The following ABCC4 variants were observed in gnomAD, a reference collection of about 807,000 sequenced individuals.
ABCC4 encodes the protein ATP binding cassette subfamily C member 4 (PEL blood group).
In ABCC4, 102 loss-of-function variants were observed where a neutral mutation model predicts 168.5. The ratio of observed to expected loss-of-function variants is 0.61; its 90% CI spans 0.52 to 0.71. ABCC4 has a LOEUF of 0.71. ABCC4 is among the 30% of genes least tolerant of loss of function. The probability of loss-of-function intolerance (pLI) is 0.00; values close to 1 mark genes in which losing one functional copy is unlikely to be tolerated. For synonymous variants in ABCC4, 617 were observed against 590.7 expected, an observed-to-expected ratio of 1.04 and a Z score of -0.65; for missense variants, 1,402 against 1,605.8, an observed-to-expected ratio of 0.87 and a Z score of 2.17.
intron 21 of ABCC4, among the ~76,000 whole-genome samples, chr13:95,081,285 G>T (rs1337277125): frequency 1.3e-5 from 2 of 150,828 alleles, no homozygotes; most frequent in East Asian, 3.9e-4. Context: ...CATCCACATG[G>T]ATCGGATGTG....
At position 95,176,223 on chromosome 13, in the gene ABCC4, CAGGGGGGGGGGGGGG is replaced by C. The variant is rs1413725646; in HGVS notation, c.1727+1469_1727+1483del. The stretch of plus-strand genomic sequence containing the variant: ...TCTCAGCACTCCAGGAAGCCGAGGG[CAGGGGGGGGGGGGGG>C]GGGGGGGTGGATCCCTTGAGCCCAG... On this transcript the variant is annotated intron_variant, in intron 13 of 30. Coordinates refer to ENST00000645237, the MANE Select transcript of ABCC4 (RefSeq NM_005845.5). Among the ~76,000 whole-genome samples the C allele has an allele frequency of 1.9e-4, 2 of 10,560 alleles. 1 individual carries two copies. The highest frequency in any genetic ancestry group is 1.0e-3 in the Non-Finnish European group (2 of 2,006). 6.9% of individuals were successfully genotyped at this position (10,560 alleles called of 152,430 possible).
intron 1 of ABCC4, among the ~76,000 whole-genome samples, chr13:95,297,227 C>T (rs2041557592): frequency 6.7e-6 from 1 of 149,386 alleles, no homozygotes; most frequent in South Asian, 2.1e-4. Context: ...GCCGAGATCA[C>T]ACCACGGCCA....
intron 26 of ABCC4, among the ~76,000 whole-genome samples, chr13:95,058,384 C>G (rs1412435524): frequency 1.3e-5 from 2 of 151,382 alleles, no homozygotes; most frequent in Non-Finnish European, 2.9e-5. Context: ...TCCTGGCCAA[C>G]ATGGTGAAAC....
At chr13:95,146,716 T>A (rs2036511429) in intron 19 of ABCC4, among the ~76,000 whole-genome samples, 1 of 152,222 alleles carries the variant, frequency 6.6e-6, no homozygotes, top group African/African-American at 2.4e-5. Context: ...AGATTTCTTG[T>A]TGCTTTGTTG....
rs1191708417 is a variant in ABCC4, at chr13:95,271,711, T to C, written c.75-23958A>G. Among the ~76,000 whole-genome samples, 3 of 152,188 alleles carry C rather than the reference T, an allele frequency of 2.0e-5. No individual in the cohort carries two copies. The East Asian group carries it at 5.8e-4, about 29-fold the overall frequency. ...GTTCCTTAGCTTTATGTTCCTTTTCTATTTATATAACAAACAGACATTGGT... is the reference window on the plus strand; with the variant it reads ...GTTCCTTAGCTTTATGTTCCTTTTCCATTTATATAACAAACAGACATTGGT... On this transcript the variant is annotated intron_variant, in intron 1 of 30. Transcript: ENST00000645237.
intron 8 of ABCC4, among the ~76,000 whole-genome samples, chr13:95,201,833 C>T (rs915033160): frequency 1.3e-5 from 2 of 152,136 alleles, no homozygotes; most frequent in East Asian, 1.9e-4. Flanking sequence ...ATTAGCTGGA[C>T]ATGGTGGCTC....
Position 95,206,747 on chromosome 13 carries a change from G to C in ABCC4, c.946C>G (p.Leu316Val). Reference protein sequence around the residue: ...EISKILRSSCLRGMNLASFFS... With the variant: ...EISKILRSSCVRGMNLASFFS... ...AATGAAGCCAAATTCATCCCTCTGA[G>C]GCAGGAACTTCTCAGAATCTTGGAA... The change falls in exon 8 of 31, where the codon CTC becomes GTC. Residue 316 changes from leucine to valine, a missense_variant. Around this residue, in one of 3 missense-constraint regions of ABCC4, gnomAD observed 78 missense variants for 133.0 expected, o/e 0.59. Coordinates refer to ENST00000645237, the MANE Select transcript of ABCC4 (RefSeq NM_005845.5). 1 of 1,614,090 alleles carries C rather than the reference G, an allele frequency of 6.2e-7. No homozygotes were observed.
intron 4 of ABCC4, among the ~76,000 whole-genome samples, chr13:95,228,273 C>T (rs758769725): frequency 2.0e-5 from 3 of 151,990 alleles, no homozygotes; most frequent in Non-Finnish European, 2.9e-5. Flanking sequence ...CAGCGCATGA[C>T]GGTGCATTTA....
chr13:95,298,557 T>C (rs1211811142), intron 1 of ABCC4, among the ~76,000 whole-genome samples: 1 of 152,178 alleles, frequency 6.6e-6, no homozygotes, highest in Non-Finnish European at 1.5e-5. Flanking sequence ...CTGAGTGCTA[T>C]GCTTTGAGAA....
chr13:95,194,825 G>A lies in ABCC4; in HGVS notation c.1263+11C>T. The A allele has an allele frequency of 6.2e-7, 1 of 1,606,086 alleles. No individual in the cohort carries two copies. Among genetic ancestry groups the A allele is most frequent in the Non-Finnish European group, 8.5e-7 (1 of 1,173,290 alleles). On this transcript the variant is annotated intron_variant, in intron 9 of 30. Coordinates refer to ENST00000645237, the MANE Select transcript of ABCC4 (RefSeq NM_005845.5). ...TTCAGCAGTCATGATCTTGCATTAA[G>A]GATATGTTACCTTATCCCAAAAAGC...
At chr13:95,237,960 C>G (rs1186154079) in intron 3 of ABCC4, among the ~76,000 whole-genome samples, 1 of 151,784 alleles carries the variant, frequency 6.6e-6, no homozygotes, top group Non-Finnish European at 1.5e-5. Context: ...TTTGGGAGGC[C>G]GAGGTGGGCA....
intron 4 of ABCC4, among the ~76,000 whole-genome samples, chr13:95,226,833 C>T (rs945342567): frequency 1.3e-5 from 2 of 152,164 alleles, no homozygotes; most frequent in African/African-American, 4.8e-5. Flanking sequence ...CCTACAAGTC[C>T]GAAGGAGTTA....
chr13:95,201,443 T>A (rs575886642), intron 8 of ABCC4, among the ~76,000 whole-genome samples: 9 of 152,286 alleles, frequency 5.9e-5, no homozygotes, highest in Non-Finnish European at 1.3e-4. Flanking sequence ...GCTCAGTTGT[T>A]AGGCATTTTC....
rs1454956307 is a variant in ABCC4 at position 95,247,753 on chromosome 13, C to T, written c.75G>A (p.Trp25Ter). 3.1e-6 allele frequency: 5 copies of T among 1,608,908 alleles called. No homozygotes were observed. The highest frequency in any genetic ancestry group is 4.3e-6 in the Non-Finnish European group (5 of 1,175,366). Residue 25 changes from tryptophan to a stop codon, truncating the protein, a stop_gained and splice_region_variant, in exon 2 of 31, where the codon TGG becomes TGA. Coordinates refer to ENST00000645237, the MANE Select transcript of ABCC4 (RefSeq NM_005845.5). LOFTEE classifies it high-confidence loss of function. ...DANLCSRVFF[W>*]WLNPLFKIGH... ...CAATTTTAAACAAGGGATTGAGCCA[C>T]CTGTTAACAAGAGAAAAGAGACATA...
rs557977696 is a variant in ABCC4 at position 95,297,865 on chromosome 13, G to A, written c.74+3376C>T. ...TCGAGTGATAAGTAAATAGCTCAAGGGGGTGGGAACTACGAGGTGACTGCT... is the reference window on the plus strand; with the variant it reads ...TCGAGTGATAAGTAAATAGCTCAAGAGGGTGGGAACTACGAGGTGACTGCT... On this transcript the variant is annotated intron_variant, in intron 1 of 30. Coordinates refer to ENST00000645237, the MANE Select transcript of ABCC4 (RefSeq NM_005845.5). Among the ~76,000 whole-genome samples, 345 of 152,246 alleles carry A rather than the reference G, an allele frequency of 2.3e-3. 3 individuals carry two copies. Among genetic ancestry groups the A allele is most frequent in the Non-Finnish European group, 1.8e-3 (124 of 68,024 alleles).
Position 95,188,472 on chromosome 13 carries a change from C to G in ABCC4, c.1334G>C (p.Gly445Ala). The change falls in exon 10 of 31, where the codon GGC becomes GCC. Residue 445 changes from glycine to alanine, a missense_variant. This residue lies in a region of ABCC4 where 1,007 missense variants were observed against 1,127.3 expected (regional missense o/e 0.89). Transcript: ENST00000645237. The part of the protein sequence containing the change: ...VRPGELLAVV[G>A]PVGAGKSSLL... ...ACTCACCTTCCCTGCTCCCACGGGG[C>G]CGACCACAGCTAACAATTCGCCAGG... 1 of 1,614,100 alleles carries G rather than the reference C, an allele frequency of 6.2e-7. No individual in the cohort carries two copies. Among genetic ancestry groups the G allele is most frequent in the Non-Finnish European group, 8.5e-7 (1 of 1,179,990 alleles).
At chr13:95,169,676 G>A (rs1270091681) in intron 14 of ABCC4, among the ~76,000 whole-genome samples, 4 of 152,084 alleles carry the variant, frequency 2.6e-5, no homozygotes, top group Non-Finnish European at 5.9e-5. Context: ...TCTCCAGGAA[G>A]AATGTCAGCC....
At chr13:95,083,084 T>C (rs2034148630) in intron 21 of ABCC4, 56 bp downstream of exon 21, 3 of 1,563,932 alleles carry the variant, frequency 1.9e-6, no homozygotes, top group Non-Finnish European at 1.7e-6. Flanking sequence ...CTGTAATTTA[T>C]GGCATAAATG....
At chr13:95,277,495 C>G (rs1288182242) in intron 1 of ABCC4, among the ~76,000 whole-genome samples, 1 of 151,354 alleles carries the variant, frequency 6.6e-6, no homozygotes, top group Non-Finnish European at 1.5e-5. Flanking sequence ...GCAGGAGGAT[C>G]GCCTGAACCC....
Sources: allele counts gnomAD v4.1 joint callset (sites outside exome capture counted in the v4.1 genomes callset), GRCh38; gene constraint gnomAD v4.1.1; regional missense constraint gnomAD v4.1.1; transcripts MANE v1.5; gene names NCBI Gene and HGNC (gene_info 2026-07-23, HGNC 2026-07-21).